The following FAM222B variants were observed in gnomAD, a reference collection of about 807,000 sequenced individuals.
FAM222B encodes family with sequence similarity 222 member B, also known as protein FAM222B.
Under a neutral mutation model 38.0 loss-of-function variants are expected in FAM222B, and 12 were observed. That is an observed-to-expected ratio of 0.32 (90% CI 0.20 to 0.51). FAM222B has a LOEUF of 0.51. Ranked by LOEUF, FAM222B falls within the 20% of genes least tolerant of loss-of-function variation. FAM222B has a pLI of 0.97. For missense variants in FAM222B, 716 were observed against 754.2 expected, an observed-to-expected ratio of 0.95 and a Z score of 0.59; for synonymous variants, 329 against 317.2, an observed-to-expected ratio of 1.04 and a Z score of -0.40.
chr17:28,803,367 G>C (rs1171758698), intron 1 of FAM222B, among the ~76,000 whole-genome samples: 2 of 151,896 alleles, frequency 1.3e-5, no homozygotes, highest in East Asian at 3.9e-4. Flanking sequence ...CTCACTACTT[G>C]GGATAGCAGC....
At chr17:28,812,606 G>C (rs2037837510) in intron 1 of FAM222B, among the ~76,000 whole-genome samples, 1 of 152,192 alleles carries the variant, frequency 6.6e-6, no homozygotes, top group Admixed American at 6.5e-5. Context: ...CACCGGGATA[G>C]GCCCGCTACC....
At chr17:28,825,171 G>A (rs1186223820) in intron 1 of FAM222B, among the ~76,000 whole-genome samples, 3 of 151,242 alleles carry the variant, frequency 2.0e-5, no homozygotes, top group African/African-American at 7.3e-5. Context: ...AGTGGCTCAC[G>A]CCTGAAATCC....
chr17:28,776,313 T>C (rs1379949931), intron 1 of FAM222B, among the ~76,000 whole-genome samples: 2 of 146,398 alleles, frequency 1.4e-5, no homozygotes, highest in East Asian at 2.0e-4. Context: ...GGAAGCAGAG[T>C]TGCAATGAGG....
chr17:28,766,698 G>A lies in FAM222B; in HGVS notation c.-31C>T, dbSNP rs368667235. On this transcript the variant is annotated 5_prime_UTR_variant, in exon 2 of 3. Transcript: ENST00000581407. ...ATTGGCATCAACACAACATGGGGCA[G>A]TGGCTCACACTGTAATGAACAAAAA... The A allele has an allele frequency of 1.4e-4, 224 of 1,547,276 alleles. No individual in the cohort carries two copies. Among genetic ancestry groups the A allele is most frequent in the Non-Finnish European group, 2.4e-5 (27 of 1,132,152 alleles).
chr17:28,794,028 C>T (rs549767752), intron 1 of FAM222B, among the ~76,000 whole-genome samples: 5 of 152,174 alleles, frequency 3.3e-5, no homozygotes, highest in Admixed American at 6.5e-5. Context: ...GGATTACAGG[C>T]GTAAGCCACG....
chr17:28,758,364 G>A lies in FAM222B; in HGVS notation c.1595C>T (p.Ala532Val), dbSNP rs2034821057. 1.2e-6 allele frequency: 2 copies of A among 1,613,614 alleles called. No homozygotes were observed. Among genetic ancestry groups the A allele is most frequent in the East Asian group, 2.2e-5 (1 of 44,874 alleles). ...GGCTCGGTGGGCCTTGCTCAGCATG[G>A]CCAGGCTCTGTTCTCGGAAGCAGGC... The part of the protein sequence containing the change: ...QQACFREQSL[A>V]MLSKAHRAPG... The change falls in exon 3 of 3, where the codon GCC becomes GTC. Residue 532 changes from alanine to valine, a missense_variant. Coordinates refer to ENST00000581407, the MANE Select transcript of FAM222B (RefSeq NM_001077498.3).
At chr17:28,764,765 A>T (rs980846163) in intron 2 of FAM222B, among the ~76,000 whole-genome samples, 1 of 152,154 alleles carries the variant, frequency 6.6e-6, no homozygotes, top group Non-Finnish European at 1.5e-5. Context: ...AATTAAAAAA[A>T]AAATAAAAAT....
intron 1 of FAM222B, among the ~76,000 whole-genome samples, chr17:28,813,567 C>T (rs548297422): frequency 1.3e-5 from 2 of 151,614 alleles, no homozygotes; most frequent in Admixed American, 6.6e-5. Context: ...CGCTCTGTTG[C>T]CCAGGCTGGA....
chr17:28,803,001 T>C (rs1042067688), intron 1 of FAM222B, among the ~76,000 whole-genome samples: 1 of 152,074 alleles, frequency 6.6e-6, no homozygotes, highest in African/African-American at 2.4e-5. Context: ...GAGAGGTTTG[T>C]TTCTTTGCTT....
intron 1 of FAM222B, among the ~76,000 whole-genome samples, chr17:28,769,020 TTTC>T (rs1038455036): frequency 6.6e-6 from 1 of 151,980 alleles, no homozygotes; most frequent in Non-Finnish European, 1.5e-5. Context: ...TTAGTGATGT[TTTC>T]TTAATTGAGT....
At position 28,813,025 on chromosome 17, in the gene FAM222B, G is replaced by C. The variant is rs1255030218; in HGVS notation, c.-41+29657C>G. 2.9e-4 allele frequency among the ~76,000 whole-genome samples: 19 copies of C among 65,258 alleles called. 2 individuals carry two copies. Among genetic ancestry groups the C allele is most frequent in the Non-Finnish European group, 6.6e-4 (19 of 28,700 alleles). 42.8% of individuals were successfully genotyped at this position (65,258 alleles called of 152,430 possible). On this transcript the variant is annotated intron_variant, in intron 1 of 2. Coordinates refer to ENST00000581407, the MANE Select transcript of FAM222B (RefSeq NM_001077498.3). ...TTCCCGTGACGCAGAAATTAAGCGG[G>C]GGGGGGGGGGGGGGGGAGGGGGGGG... is the stretch of plus-strand genomic sequence containing the variant.
At position 28,759,208 on chromosome 17, in the gene FAM222B, G is replaced by A. The variant is rs528769279; in HGVS notation, c.751C>T (p.Leu251Phe). The A allele has an allele frequency of 1.2e-6, 2 of 1,613,646 alleles. No homozygotes were observed. Among genetic ancestry groups the A allele is most frequent in the Admixed American group, 3.3e-5 (2 of 59,950 alleles). ...NVTVSTSTIP[L>F]SMAATLQHSQ... The stretch of plus-strand genomic sequence containing the variant: ...TGCTGCAGAGTGGCCGCCATTGAAA[G>A]GGGGATAGTTGAGGTAGACACGGTC... The change falls in exon 3 of 3, where the codon CTT becomes TTT. Residue 251 changes from leucine to phenylalanine, a missense_variant. Coordinates refer to ENST00000581407, the MANE Select transcript of FAM222B (RefSeq NM_001077498.3). This position sits in a 1 kb window ranked among gnomAD's most constrained non-coding sequence, Gnocchi z 4.8.
At chr17:28,811,912 T>A (rs750638117) in intron 1 of FAM222B, among the ~76,000 whole-genome samples, 3 of 152,130 alleles carry the variant, frequency 2.0e-5, no homozygotes, top group African/African-American at 4.8e-5. Flanking sequence ...TTCTTTTTTT[T>A]AAATTACGGT....
chr17:28,806,909 G>C (rs2037520226), intron 1 of FAM222B, among the ~76,000 whole-genome samples: 1 of 152,162 alleles, frequency 6.6e-6, no homozygotes, highest in African/African-American at 2.4e-5. Context: ...AAGTTATTTA[G>C]ATAATCACAG....
At chr17:28,831,866 G>C (rs1472291822) in intron 1 of FAM222B, among the ~76,000 whole-genome samples, 3 of 152,048 alleles carry the variant, frequency 2.0e-5, no homozygotes, top group Admixed American at 6.6e-5. Flanking sequence ...TTTTAAGTAG[G>C]GGTTAGCTTC....
rs71135859 is a variant in FAM222B at position 28,822,802 on chromosome 17, C to CA, written c.-41+19879dup. Reference sequence around the variant, plus strand: ...TGGGCGATAGAGCAAGACTCCATCTCAAAAAAAAAAAAAAAAAAAAAAAAA... The same window carrying CA: ...TGGGCGATAGAGCAAGACTCCATCTCAAAAAAAAAAAAAAAAAAAAAAAAAA... On this transcript the variant is annotated intron_variant, in intron 1 of 2. Transcript: ENST00000581407. Among the ~76,000 whole-genome samples, 79 of 9,890 alleles carry CA rather than the reference C, an allele frequency of 8.0e-3. 9 individuals carry two copies. Among genetic ancestry groups the CA allele is most frequent in the Non-Finnish European group, 0.011 (58 of 5,420 alleles). The allele number at this position is 9,890 out of a possible 152,430, so 6.5% of individuals were successfully genotyped here.
At chr17:28,796,547 C>A (rs916872975) in intron 1 of FAM222B, among the ~76,000 whole-genome samples, 1 of 152,128 alleles carries the variant, frequency 6.6e-6, no homozygotes, top group African/African-American at 2.4e-5. Flanking sequence ...CCACACCATG[C>A]TACTATGCAC....
At chr17:28,835,444 T>G (rs1008651897) in intron 1 of FAM222B, among the ~76,000 whole-genome samples, 2 of 152,158 alleles carry the variant, frequency 1.3e-5, no homozygotes, top group Non-Finnish European at 2.9e-5. Flanking sequence ...TGAAGTTGAC[T>G]GCTGAAAGGA....
intron 2 of FAM222B, among the ~76,000 whole-genome samples, chr17:28,764,316 G>A (rs1181830455): frequency 2.0e-5 from 3 of 149,202 alleles, no homozygotes; most frequent in Admixed American, 6.7e-5. Flanking sequence ...GGTGGCTCAT[G>A]CCTGTAATCC....
Sources: gnomAD v4.1 joint callset for allele counts (sites outside exome capture counted in the v4.1 genomes callset) on GRCh38, gnomAD v4.1.1 for gene constraint, Gnocchi (gnomAD v3.1) non-coding constraint, MANE v1.5 for transcripts, NCBI Gene and HGNC (gene_info 2026-07-23, HGNC 2026-07-21) for gene names.